Variants in WDR7 observed in about 807,000 individuals in gnomAD.
WDR7 encodes the protein WD repeat domain 7.
A neutral mutation model predicts 169.4 loss-of-function variants in WDR7; 46 were observed. The observed-to-expected ratio is 0.27, with a 90% CI of 0.21 to 0.35. The LOEUF (loss-of-function observed/expected upper bound fraction) is 0.35. Ranked by LOEUF, WDR7 falls within the 10% of genes least tolerant of loss-of-function variation. WDR7 has a pLI of 1.00. For missense variants in WDR7, 1,534 were observed against 1,859.3 expected, an observed-to-expected ratio of 0.83 and a Z score of 3.22; for synonymous variants, 612 against 666.8, an observed-to-expected ratio of 0.92 and a Z score of 1.27.
At chr18:56,941,589 T>C (rs1431696663) in intron 25 of WDR7, among the ~76,000 whole-genome samples, 1 of 152,214 alleles carries the variant, frequency 6.6e-6, no homozygotes, top group Non-Finnish European at 1.5e-5. Flanking sequence ...TCTAGTATAG[T>C]GCCCGAGTAT....
chr18:56,838,825 G>A (rs1477775347), intron 20 of WDR7, among the ~76,000 whole-genome samples: 1 of 151,964 alleles, frequency 6.6e-6, no homozygotes, highest in African/African-American at 2.4e-5. Context: ...CATTTTTAAG[G>A]GTTTGAAATT....
intron 16 of WDR7, among the ~76,000 whole-genome samples, chr18:56,773,519 G>T (rs1157709571): frequency 6.6e-6 from 1 of 152,022 alleles, no homozygotes; most frequent in African/African-American, 2.4e-5. Context: ...TGCCAATATT[G>T]CATTCATAGC....
At chr18:56,664,446 A>C (rs73501703) in intron 1 of WDR7, among the ~76,000 whole-genome samples, 4,434 of 152,296 alleles carry the variant, frequency 0.029, 211 homozygotes, top group African/African-American at 0.1. Flanking sequence ...AGGTCAACTT[A>C]TAAAATAGAT....
intron 20 of WDR7, among the ~76,000 whole-genome samples, chr18:56,855,169 C>A (rs146244807): frequency 3.9e-5 from 6 of 151,908 alleles, no homozygotes; most frequent in Non-Finnish European, 5.9e-5. Flanking sequence ...CATTTCCCTT[C>A]TTGCTAATGA....
intron 22 of WDR7, among the ~76,000 whole-genome samples, chr18:56,931,981 G>A (rs2046891880): frequency 1.3e-5 from 2 of 152,258 alleles, no homozygotes; most frequent in South Asian, 4.1e-4. Flanking sequence ...GTTTTTCCTA[G>A]AGGTGGTAGA....
chr18:56,750,198 T>C (rs1162153213), intron 14 of WDR7, among the ~76,000 whole-genome samples: 1 of 152,176 alleles, frequency 6.6e-6, no homozygotes, highest in Non-Finnish European at 1.5e-5. Context: ...ATCCAATATT[T>C]TTTTCCTGTG....
At chr18:56,965,921 T>C (rs2047402582) in intron 26 of WDR7, among the ~76,000 whole-genome samples, 2 of 152,192 alleles carry the variant, frequency 1.3e-5, no homozygotes. Flanking sequence ...ATAATTAACT[T>C]TGTATCCTTG....
chr18:56,943,400 T>G (rs575644828), intron 25 of WDR7, among the ~76,000 whole-genome samples: 2 of 152,284 alleles, frequency 1.3e-5, no homozygotes, highest in Non-Finnish European at 2.9e-5. Flanking sequence ...GGGTTTTATC[T>G]TAGACTAACC....
chr18:56,711,513 T>C (rs1283460983), intron 12 of WDR7, among the ~76,000 whole-genome samples: 1 of 152,158 alleles, frequency 6.6e-6, no homozygotes, highest in Non-Finnish European at 1.5e-5. Flanking sequence ...TGAAGAATTA[T>C]AGAGTTCTAA....
intron 20 of WDR7, among the ~76,000 whole-genome samples, chr18:56,866,610 T>C (rs1472244200): frequency 6.6e-6 from 1 of 152,196 alleles, no homozygotes; most frequent in African/African-American, 2.4e-5. Context: ...TTTCTTTTGC[T>C]AATAGGAGAA....
At chr18:56,690,487 T>C (rs1472513258) in intron 7 of WDR7, among the ~76,000 whole-genome samples, 1 of 152,148 alleles carries the variant, frequency 6.6e-6, no homozygotes. Context: ...CTTATAATAA[T>C]GAGTTATTCC....
chr18:56,902,156 G>A (rs1439542236), intron 21 of WDR7, among the ~76,000 whole-genome samples: 1 of 152,128 alleles, frequency 6.6e-6, no homozygotes, highest in African/African-American at 2.4e-5. Flanking sequence ...GAGTTGAACA[G>A]GCCACTCTGC....
intron 20 of WDR7, among the ~76,000 whole-genome samples, chr18:56,833,385 A>G (rs1246136499): frequency 2.0e-5 from 3 of 152,082 alleles, no homozygotes. Flanking sequence ...CATTAGGAGA[A>G]ATACCTAATG....
At chr18:57,001,288 A>G (rs1369505203) in intron 26 of WDR7, among the ~76,000 whole-genome samples, 1 of 152,128 alleles carries the variant, frequency 6.6e-6, no homozygotes, top group African/African-American at 2.4e-5. Flanking sequence ...CTTCCAGCAG[A>G]TTTACAGGAA....
chr18:56,905,832 A>G (rs2046469158), intron 21 of WDR7, among the ~76,000 whole-genome samples: 1 of 152,174 alleles, frequency 6.6e-6, no homozygotes, highest in African/African-American at 2.4e-5. Flanking sequence ...GATTCATTGA[A>G]GAGTTCAAAG....
chr18:56,983,082 C>T (rs2047668561), intron 26 of WDR7, among the ~76,000 whole-genome samples: 1 of 152,130 alleles, frequency 6.6e-6, no homozygotes, highest in African/African-American at 2.4e-5. Context: ...AATAGGTCAA[C>T]ACAAATTATC....
intron 26 of WDR7, among the ~76,000 whole-genome samples, chr18:57,016,661 G>A (rs2048211592): frequency 6.6e-6 from 1 of 152,090 alleles, no homozygotes; most frequent in Admixed American, 6.5e-5. Flanking sequence ...TGTACAACTG[G>A]GTTAATTATA....
intron 26 of WDR7, among the ~76,000 whole-genome samples, chr18:56,970,820 T>G (rs914102352): frequency 2.6e-5 from 4 of 152,254 alleles, no homozygotes; most frequent in Admixed American, 2.0e-4. Context: ...ATAACTTTTA[T>G]GAATATTTGG....
chr18:56,666,943 A>G (rs1280633027), intron 1 of WDR7, among the ~76,000 whole-genome samples: 2 of 147,996 alleles, frequency 1.4e-5, no homozygotes, highest in Non-Finnish European at 3.0e-5. Flanking sequence ...TTAAATGCTT[A>G]AATATAAAAA....
Sources: allele counts gnomAD v4.1 joint callset (sites outside exome capture counted in the v4.1 genomes callset), GRCh38; gene constraint gnomAD v4.1.1; transcripts MANE v1.5; gene names NCBI Gene and HGNC (gene_info 2026-07-23, HGNC 2026-07-21).